Variants in HIP1 observed in about 807,000 individuals in gnomAD.
HIP1 encodes the protein huntingtin-interacting protein 1.
In HIP1, 65 loss-of-function variants were observed where a neutral mutation model predicts 147.6. That is an observed-to-expected ratio of 0.44 (90% CI 0.36 to 0.54). HIP1 has a LOEUF of 0.54. Among genes scored for constraint, HIP1 ranks in the 20% least tolerant of loss-of-function variants. HIP1 has a pLI of 0.00. For missense variants in HIP1, 1,061 were observed against 1,299.6 expected, an observed-to-expected ratio of 0.82 and a Z score of 2.82; for synonymous variants, 479 against 504.0, an observed-to-expected ratio of 0.95 and a Z score of 0.67.
At position 75,554,634 on chromosome 7, in the gene HIP1, C is replaced by T; in HGVS notation, c.1964-108G>A. The T allele has an allele frequency of 4.1e-6, 3 of 739,690 alleles. No homozygotes were observed. The South Asian group carries it at 4.6e-5, about 11-fold the overall frequency. The allele number at this position is 739,690 out of a possible 1,614,324, so 45.8% of individuals were successfully genotyped here. A position where few individuals can be genotyped will look rare whatever the true frequency, so the allele number is the denominator to read the frequency against. ...GCTTACCTAGTGGGTAAGCTTCCTG[C>T]CTAGACGTGAAGTTCATGAGTAATC... On this transcript the variant is annotated intron_variant, in intron 19 of 30. Coordinates refer to ENST00000336926, the MANE Select transcript of HIP1 (RefSeq NM_005338.7).
rs78599566 is a variant in HIP1, at chr7:75,684,120, A to T, written c.120+54681T>A. Among the ~76,000 whole-genome samples the T allele has an allele frequency of 7.5e-3, 1,134 of 152,098 alleles. 20 individuals carry two copies. Among genetic ancestry groups the T allele is most frequent in the African/African-American group, 0.026 (1,086 of 41,484 alleles). On this transcript the variant is annotated intron_variant, in intron 1 of 30. Transcript: ENST00000336926. ...GGAGTTCAAGACCAGCCTGAGCGAC[A>T]TAGTGAGACTCCATCTCTATATTAA... is the stretch of plus-strand genomic sequence containing the variant.
chr7:75,554,293 T>A, intron 20 of HIP1, 73 bp from the exon 21 acceptor site: 1 of 1,378,790 alleles, frequency 7.3e-7, no homozygotes, highest in East Asian at 2.3e-5. Context: ...CCTCCCGTTT[T>A]ATGAGTTGCC....
chr7:75,549,698 C>T (rs1349065367), intron 22 of HIP1, among the ~76,000 whole-genome samples: 1 of 151,876 alleles, frequency 6.6e-6, no homozygotes, highest in African/African-American at 2.4e-5. Flanking sequence ...GAGACACAGT[C>T]TTGCCCTGTC....
intron 1 of HIP1, among the ~76,000 whole-genome samples, chr7:75,717,676 C>CAAAAAAAAAAAAAA (rs55982331): frequency 3.4e-5 from 4 of 117,742 alleles, no homozygotes; most frequent in Non-Finnish European, 6.8e-5. Context: ...ACTAAAAATA[C>CAAAAAAAAAAAAAA]AAAAAAAAAA....
intron 1 of HIP1, among the ~76,000 whole-genome samples, chr7:75,648,712 G>C (rs183276713): frequency 2.6e-5 from 4 of 152,256 alleles, no homozygotes; most frequent in Admixed American, 6.5e-5. Flanking sequence ...CTTCAAGAAG[G>C]GGGCAAGGAG....
chr7:75,542,377 C>A (rs1794357298), intron 28 of HIP1, among the ~76,000 whole-genome samples: 1 of 150,994 alleles, frequency 6.6e-6, no homozygotes, highest in Non-Finnish European at 1.5e-5. Context: ...GCCTGGGCAA[C>A]AAGAGAAAGA....
At chr7:75,683,447 G>GA (rs1375563842) in intron 1 of HIP1, among the ~76,000 whole-genome samples, 1 of 113,884 alleles carries the variant, frequency 8.8e-6, no homozygotes, top group Non-Finnish European at 1.9e-5. Flanking sequence ...CTCGTTGGGA[G>GA]TGCACAGGAG....
intron 7 of HIP1, among the ~76,000 whole-genome samples, chr7:75,574,727 T>C (rs1554497371): frequency 1.3e-5 from 2 of 152,148 alleles, no homozygotes; most frequent in East Asian, 1.9e-4. Context: ...CAGTGCATCA[T>C]GACTGGGTGA....
At chr7:75,645,886 CA>C (rs1467586056) in intron 1 of HIP1, among the ~76,000 whole-genome samples, 2 of 152,082 alleles carry the variant, frequency 1.3e-5, no homozygotes, top group East Asian at 3.8e-4. Context: ...GGGAGCTCAA[CA>C]TTGGGTGCAA....
At chr7:75,610,845 A>AT (rs1226618801) in intron 1 of HIP1, among the ~76,000 whole-genome samples, 48 of 147,580 alleles carry the variant, frequency 3.3e-4, no homozygotes, top group African/African-American at 1.1e-3. Context: ...ACTATTAAAA[A>AT]ATATATATAT....
At chr7:75,557,442 T>C (rs782477025) in intron 16 of HIP1, among the ~76,000 whole-genome samples, 1 of 152,220 alleles carries the variant, frequency 6.6e-6, no homozygotes, top group Non-Finnish European at 1.5e-5. Flanking sequence ...AAGCCTTTGT[T>C]GATTAACCCC....
intron 6 of HIP1, 133 bp from the exon 7 acceptor site, chr7:75,581,431 C>T (rs1796040565): frequency 1.5e-6 from 1 of 672,818 alleles, no homozygotes; most frequent in South Asian, 1.7e-5. Flanking sequence ...ACAACTCCAG[C>T]TCCAAGTCTT....
At chr7:75,724,305 C>T (rs1393283759) in intron 1 of HIP1, among the ~76,000 whole-genome samples, 4 of 150,212 alleles carry the variant, frequency 2.7e-5, no homozygotes, top group Non-Finnish European at 5.9e-5. Context: ...TGGAGTGCAG[C>T]GGTGCCATCT....
At chr7:75,724,048 C>T (rs1397991028) in intron 1 of HIP1, among the ~76,000 whole-genome samples, 1 of 152,206 alleles carries the variant, frequency 6.6e-6, no homozygotes, top group East Asian at 1.9e-4. Context: ...CCTCCGCCCC[C>T]GGGGCTCAAG....
rs1207504751 is a variant in HIP1, at chr7:75,533,728, G to T, written c.*4444C>A. The stretch of plus-strand genomic sequence containing the variant: ...TCTCAGAATCGAACCCAACAGCATT[G>T]AATTGTTTCCTGTTGCTTTGGCTCC... On this transcript the variant is annotated 3_prime_UTR_variant, in exon 31 of 31. Coordinates refer to ENST00000336926, the MANE Select transcript of HIP1 (RefSeq NM_005338.7). The T allele has an allele frequency of 4.3e-6, 1 of 232,706 alleles. No individual in the cohort carries two copies. The highest frequency in any genetic ancestry group is 2.2e-5 in the African/African-American group (1 of 45,296). 14.4% of individuals were successfully genotyped at this position (232,706 alleles called of 1,614,324 possible).
chr7:75,733,893 T>G (rs1277740924), intron 1 of HIP1: 1 of 154,446 alleles, frequency 6.5e-6, no homozygotes, highest in Admixed American at 6.5e-5. Context: ...GCGGGAGGAC[T>G]GCTTGAGCCC....
chr7:75,536,982 A>C lies in HIP1; in HGVS notation c.*1190T>G, dbSNP rs1794105296. 4.3e-6 allele frequency: 1 copy of C among 231,948 alleles called. No homozygotes were observed. The highest frequency in any genetic ancestry group is 2.2e-5 in the African/African-American group (1 of 45,256). 14.4% of individuals were successfully genotyped at this position (231,948 alleles called of 1,614,324 possible). On this transcript the variant is annotated 3_prime_UTR_variant, in exon 31 of 31. Coordinates refer to ENST00000336926, the MANE Select transcript of HIP1 (RefSeq NM_005338.7). Reference sequence around the variant, plus strand: ...CTTCCGGGTTTGTCAATTGCGTAGAAGGTGGAACGATCTTCCTATTCAAGA... The same window carrying C: ...CTTCCGGGTTTGTCAATTGCGTAGACGGTGGAACGATCTTCCTATTCAAGA...
chr7:75,566,703 A>C (rs1379452830), intron 9 of HIP1, among the ~76,000 whole-genome samples: 1 of 151,298 alleles, frequency 6.6e-6, no homozygotes, highest in Non-Finnish European at 1.5e-5. Flanking sequence ...CCCACCTCAG[A>C]AGCAGGTCAT....
intron 1 of HIP1, among the ~76,000 whole-genome samples, chr7:75,693,085 A>C (rs2117302709): frequency 6.6e-6 from 1 of 151,902 alleles, no homozygotes; most frequent in East Asian, 1.9e-4. Flanking sequence ...GAATCACTTG[A>C]ACCAGGGAGG....
Sources: gnomAD v4.1 joint callset for allele counts (sites outside exome capture counted in the v4.1 genomes callset) on GRCh38, gnomAD v4.1.1 for gene constraint, MANE v1.5 for transcripts, NCBI Gene and HGNC (gene_info 2026-07-23, HGNC 2026-07-21) for gene names.